Variants in SESTD1 observed in about 807,000 individuals in gnomAD.
SESTD1 encodes the protein SEC14 domain and spectrin repeat-containing protein 1.
Under a neutral mutation model 101.7 loss-of-function variants are expected in SESTD1, and 43 were observed. The ratio of observed to expected loss-of-function variants is 0.42; its 90% confidence interval spans 0.33 to 0.55. The LOEUF (loss-of-function observed/expected upper bound fraction) is 0.55, where lower values mean the gene tolerates loss of function less well. Among genes scored for constraint, SESTD1 ranks in the 20% least tolerant of loss-of-function variants. SESTD1 has a pLI of 0.07. For synonymous variants in SESTD1, 283 were observed against 286.8 expected, an observed-to-expected ratio of 0.99 and a Z score of 0.13; for missense variants, 647 against 815.1, an observed-to-expected ratio of 0.79 and a Z score of 2.51.
chr2:179,157,628 T>C (rs1217732628), intron 5 of SESTD1, among the ~76,000 whole-genome samples: 5 of 152,194 alleles, frequency 3.3e-5, no homozygotes, highest in African/African-American at 1.2e-4. Context: ...ACTATTTTTA[T>C]ACCATACCAG....
At chr2:179,142,434 G>A (rs1232564977) in intron 9 of SESTD1, among the ~76,000 whole-genome samples, 1 of 152,152 alleles carries the variant, frequency 6.6e-6, no homozygotes. Flanking sequence ...GAAAGAAAGA[G>A]AGGAAAAGAG....
intron 3 of SESTD1, among the ~76,000 whole-genome samples, chr2:179,178,062 T>A (rs2105480747): frequency 6.6e-6 from 1 of 152,192 alleles, no homozygotes; most frequent in South Asian, 2.1e-4. Flanking sequence ...GGAGAGTGAG[T>A]GCCAATGGGA....
intron 1 of SESTD1, among the ~76,000 whole-genome samples, chr2:179,242,375 A>C (rs753247717): frequency 6.6e-6 from 1 of 152,206 alleles, no homozygotes; most frequent in Non-Finnish European, 1.5e-5. Context: ...ACATCATTAA[A>C]ATGGCCATAC....
chr2:179,239,118 T>C (rs969921818), intron 1 of SESTD1, among the ~76,000 whole-genome samples: 1 of 152,174 alleles, frequency 6.6e-6, no homozygotes, highest in Admixed American at 6.6e-5. Flanking sequence ...AAGTAAACAC[T>C]TGAAGTGAGA....
At chr2:179,182,433 T>A (rs2046130769) in intron 3 of SESTD1, among the ~76,000 whole-genome samples, 1 of 152,102 alleles carries the variant, frequency 6.6e-6, no homozygotes, top group African/African-American at 2.4e-5. Context: ...GAACCCTCCA[T>A]CATTAGAATT....
chr2:179,257,162 T>A (rs913864060), intron 1 of SESTD1, among the ~76,000 whole-genome samples: 24 of 151,780 alleles, frequency 1.6e-4, no homozygotes, highest in African/African-American at 2.9e-4. Flanking sequence ...TCTCATTCTA[T>A]GTCATAGAAT....
At chr2:179,226,669 G>C (rs1028076364) in intron 1 of SESTD1, among the ~76,000 whole-genome samples, 1 of 152,020 alleles carries the variant, frequency 6.6e-6, no homozygotes, top group African/African-American at 2.4e-5. Flanking sequence ...CAAAGATTTT[G>C]GGCATGATGC....
chr2:179,155,805 A>T (rs897295542), intron 5 of SESTD1, among the ~76,000 whole-genome samples: 1 of 152,128 alleles, frequency 6.6e-6, no homozygotes, highest in East Asian at 1.9e-4. Flanking sequence ...TAATTTCTTT[A>T]GTGGTGATTT....
At chr2:179,150,317 T>C (rs904338346) in intron 6 of SESTD1, among the ~76,000 whole-genome samples, 2 of 152,020 alleles carry the variant, frequency 1.3e-5, no homozygotes, top group Non-Finnish European at 2.9e-5. Flanking sequence ...CTAAAATGAG[T>C]TAATCTGACG....
intron 15 of SESTD1, among the ~76,000 whole-genome samples, chr2:179,116,033 G>A (rs2044623194): frequency 6.6e-6 from 1 of 152,154 alleles, no homozygotes; most frequent in East Asian, 1.9e-4. Flanking sequence ...CAGCACTTTG[G>A]GAGGCCGAGG....
chr2:179,177,573 A>C (rs1301458646), intron 3 of SESTD1, among the ~76,000 whole-genome samples: 2 of 152,214 alleles, frequency 1.3e-5, no homozygotes, highest in East Asian at 3.9e-4. Context: ...TGGAGAAGTC[A>C]TGCCCTGTTC....
At chr2:179,227,916 T>G (rs1471273453) in intron 1 of SESTD1, among the ~76,000 whole-genome samples, 1 of 152,156 alleles carries the variant, frequency 6.6e-6, no homozygotes, top group Non-Finnish European at 1.5e-5. Flanking sequence ...CTTCAGTACC[T>G]TAAGAGGACC....
intron 1 of SESTD1, among the ~76,000 whole-genome samples, chr2:179,195,747 C>T (rs139399827): frequency 1.0e-3 from 149 of 149,180 alleles, no homozygotes; most frequent in Middle Eastern, 3.5e-3. Flanking sequence ...TCACAGGTTA[C>T]GTAAAGGTTA....
intron 2 of SESTD1, among the ~76,000 whole-genome samples, chr2:179,191,078 T>C (rs1446941552): frequency 1.3e-5 from 2 of 152,334 alleles, no homozygotes; most frequent in East Asian, 3.9e-4. Context: ...TTACTGTGTA[T>C]ATATCCAACG....
chr2:179,129,132 G>A (rs922139898), intron 10 of SESTD1, among the ~76,000 whole-genome samples: 2 of 152,170 alleles, frequency 1.3e-5, no homozygotes, highest in Non-Finnish European at 2.9e-5. Flanking sequence ...GTCTTGATTC[G>A]CCAGGTAGAC....
At position 179,108,654 on chromosome 2, in the gene SESTD1, C is replaced by T. The variant is rs1407648892; in HGVS notation, c.*1245G>A. 6.6e-6 allele frequency: 1 copy of T among 151,340 alleles called. No individual in the cohort carries two copies. The highest frequency in any genetic ancestry group is 1.9e-4 in the East Asian group (1 of 5,182). The allele number at this position is 151,340 out of a possible 1,614,324, so 9.4% of individuals were successfully genotyped here. A position where few individuals can be genotyped will look rare whatever the true frequency, so the allele number is the denominator to read the frequency against. ...ATGTTTGTAGACCTCAAAAAGGAACCAGTATACAACTCGTTTATAATTTTG... is the reference window on the plus strand; with the variant it reads ...ATGTTTGTAGACCTCAAAAAGGAACTAGTATACAACTCGTTTATAATTTTG... On this transcript the variant is annotated 3_prime_UTR_variant, in exon 18 of 18. Coordinates refer to ENST00000428443, the MANE Select transcript of SESTD1 (RefSeq NM_178123.5).
Position 179,104,704 on chromosome 2 carries a change from A to AT in SESTD1, c.*5194dup, listed in dbSNP as rs2044342805. The AT allele has an allele frequency of 6.6e-6, 1 of 152,134 alleles. No individual in the cohort carries two copies. The highest frequency in any genetic ancestry group is 6.6e-5 in the Admixed American group (1 of 15,252). 9.4% of individuals were successfully genotyped at this position (152,134 alleles called of 1,614,324 possible). ...AAAATCCCTAATAACACTGCTCCTG[A>AT]TAAGTAGCAGTTGATAACTACTTTC... On this transcript the variant is annotated 3_prime_UTR_variant, in exon 18 of 18. Coordinates refer to ENST00000428443, the MANE Select transcript of SESTD1 (RefSeq NM_178123.5).
At chr2:179,236,854 T>G (rs1309201645) in intron 1 of SESTD1, among the ~76,000 whole-genome samples, 1 of 151,874 alleles carries the variant, frequency 6.6e-6, no homozygotes, top group African/African-American at 2.4e-5. Flanking sequence ...AATAAATGTA[T>G]GTAAATAGAA....
chr2:179,167,312 G>GAGAA (rs1266398445), intron 5 of SESTD1, among the ~76,000 whole-genome samples: 3 of 152,056 alleles, frequency 2.0e-5, no homozygotes, highest in Non-Finnish European at 4.4e-5. Flanking sequence ...AATGGATCAA[G>GAGAA]AGAAAATACC....
Sources: allele counts gnomAD v4.1 joint callset (sites outside exome capture counted in the v4.1 genomes callset), GRCh38; gene constraint gnomAD v4.1.1; transcripts MANE v1.5; gene names NCBI Gene and HGNC (gene_info 2026-07-23, HGNC 2026-07-21).